TJP1: variants seen among roughly 807,000 people sequenced by gnomAD.
TJP1 encodes tight junction protein ZO-1.
A neutral mutation model predicts 194.2 loss-of-function variants in TJP1; 43 were observed. That is an observed-to-expected ratio of 0.22 (90% confidence interval 0.17 to 0.29). The LOEUF is 0.29. Ranked by LOEUF, TJP1 falls within the 10% of genes least tolerant of loss-of-function variation. The probability of loss-of-function intolerance (pLI) is 1.00; values close to 1 mark genes in which losing one functional copy is unlikely to be tolerated. For synonymous variants in TJP1, 801 were observed against 779.0 expected (o/e 1.03, Z -0.47); for missense variants, 1,971 against 2,185.7 (o/e 0.90, Z 1.96).
intron 2 of TJP1, among the ~76,000 whole-genome samples, chr15:29,836,580 A>C (rs958413584): frequency 3.3e-5 from 5 of 152,156 alleles, no homozygotes; most frequent in Admixed American, 6.5e-5. Context: ...GGGATGATCA[A>C]CTTTTAAAGA....
intron 2 of TJP1, among the ~76,000 whole-genome samples, chr15:29,951,964 T>C (rs1307063543): frequency 6.6e-6 from 1 of 152,218 alleles, no homozygotes; most frequent in African/African-American, 2.4e-5. Context: ...TAAAAGAAGC[T>C]GCAAAATTTC....
intron 8 of TJP1, among the ~76,000 whole-genome samples, chr15:29,749,036 C>T (rs1007488545): frequency 3.9e-5 from 6 of 151,956 alleles, no homozygotes; most frequent in African/African-American, 9.7e-5. Context: ...TTCATGTTTA[C>T]GTATTCCAGC....
At chr15:29,762,464 T>C (rs1256338136) in intron 5 of TJP1, 26 bp from the exon 6 acceptor site, 6 of 1,561,900 alleles carry the variant, frequency 3.8e-6, no homozygotes, top group African/African-American at 1.4e-5. Flanking sequence ...TAAGTGTTTT[T>C]AGTATAACAT....
intron 2 of TJP1, among the ~76,000 whole-genome samples, chr15:29,911,763 G>A (rs16954806): frequency 0.062 from 9,430 of 152,178 alleles, 327 homozygotes; most frequent in South Asian, 0.11. Flanking sequence ...ACCATATCAC[G>A]GAAGTTCAGT....
chr15:29,742,234 G>C (rs1322583468), intron 9 of TJP1, among the ~76,000 whole-genome samples: 2 of 151,514 alleles, frequency 1.3e-5, no homozygotes, highest in African/African-American at 4.9e-5. Flanking sequence ...CTGGGTGACA[G>C]AGTGAGACTC....
At chr15:29,931,090 T>C (rs776446946) in intron 2 of TJP1, among the ~76,000 whole-genome samples, 61 of 152,166 alleles carry the variant, frequency 4.0e-4, no homozygotes, top group Non-Finnish European at 7.8e-4. Flanking sequence ...AACACATATT[T>C]TGTATGTTAT....
chr15:29,722,034 TG>T (rs1464554109), intron 18 of TJP1, among the ~76,000 whole-genome samples: 13 of 152,222 alleles, frequency 8.5e-5, no homozygotes, highest in African/African-American at 3.1e-4. Flanking sequence ...TATCTGAAAC[TG>T]GAACTTATAT....
chr15:29,967,306 G>C (rs2056367446), intron 1 of TJP1, among the ~76,000 whole-genome samples: 1 of 151,796 alleles, frequency 6.6e-6, no homozygotes, highest in South Asian at 2.1e-4. Context: ...ATAGTGCTGG[G>C]ATTACAGGTG....
In TJP1 at chr15:29,925,175, C is replaced by T. The variant is rs191470943; in HGVS notation, c.306+31057G>A. On this transcript the variant is annotated intron_variant, in intron 2 of 28. Transcript: ENST00000356107. ...AAAGCGTGATTCAGAGGGGCAGCAA[C>T]CAGTCCTGGTCACCACAAGCTGTTA... 5.6e-3 allele frequency among the ~76,000 whole-genome samples: 851 copies of T among 152,334 alleles called. 4 individuals carry two copies. Among genetic ancestry groups the T allele is most frequent in the Admixed American group, 0.01 (160 of 15,306 alleles).
At chr15:29,737,123 T>G in intron 11 of TJP1, 141 bp downstream of exon 11, 1 of 1,006,752 alleles carries the variant, frequency 9.9e-7, no homozygotes, top group Non-Finnish European at 1.4e-6. Flanking sequence ...ACCTGATGGA[T>G]TTTGACTTTC....
chr15:29,806,972 A>T (rs2041321479), intron 1 of TJP1, among the ~76,000 whole-genome samples: 1 of 152,246 alleles, frequency 6.6e-6, no homozygotes, highest in Non-Finnish European at 1.5e-5. Context: ...AATAGAAGAT[A>T]AAAATTCAGG....
At chr15:29,964,036 A>G (rs899953594) in intron 1 of TJP1, among the ~76,000 whole-genome samples, 3 of 152,254 alleles carry the variant, frequency 2.0e-5, no homozygotes, top group African/African-American at 7.2e-5. Context: ...CACATTTTAC[A>G]TTAAAAAGGA....
At chr15:29,809,109 C>T (rs944938453) in intron 1 of TJP1, among the ~76,000 whole-genome samples, 2 of 152,026 alleles carry the variant, frequency 1.3e-5, no homozygotes, top group African/African-American at 4.8e-5. Context: ...GCAAAATATA[C>T]ATGATATGTA....
intron 2 of TJP1, among the ~76,000 whole-genome samples, chr15:29,828,239 T>C (rs1315105368): frequency 6.6e-6 from 1 of 152,200 alleles, no homozygotes; most frequent in Non-Finnish European, 1.5e-5. Context: ...ATAATATTTA[T>C]ATTCCATAAC....
intron 2 of TJP1, among the ~76,000 whole-genome samples, chr15:29,864,160 G>A (rs1041680542): frequency 4.6e-5 from 7 of 150,578 alleles, no homozygotes; most frequent in Admixed American, 3.3e-4. Context: ...TCGGGAGGCC[G>A]AGGCGGGTGG....
At chr15:29,704,327 G>T in intron 26 of TJP1, 22 bp from the exon 27 acceptor site, 2 of 1,571,382 alleles carry the variant, frequency 1.3e-6, no homozygotes, top group Non-Finnish European at 1.7e-6. Context: ...AAAGGGGATA[G>T]GCAGAGAGGA....
rs2046800262 is a variant in TJP1, at chr15:29,773,167, T to C, written c.209+66A>G. The stretch of plus-strand genomic sequence containing the variant: ...AAATCACTAAGACAGTGTAAGACAG[T>C]ACGCCAGTGCCTGAGGAGAGGAACA... On this transcript the variant is annotated intron_variant, in intron 3 of 27. Coordinates refer to ENST00000614355, the MANE Select transcript of TJP1 (RefSeq NM_001330239.4). 4.4e-6 allele frequency: 7 copies of C among 1,588,426 alleles called. No homozygotes were observed. The South Asian group carries it at 7.9e-5, about 18-fold the overall frequency.
At chr15:29,762,533 G>T in intron 5 of TJP1, 95 bp from the exon 6 acceptor site, 1 of 778,296 alleles carries the variant, frequency 1.3e-6, no homozygotes, top group Non-Finnish European at 2.0e-6. Context: ...CTACTGCATA[G>T]AGTTTTCAAG....
Position 29,718,598 on chromosome 15 carries a change from C to T in TJP1, c.3544G>A (p.Gly1182Arg). 1.2e-6 allele frequency: 2 copies of T among 1,614,174 alleles called. No homozygotes were observed. Among genetic ancestry groups the T allele is most frequent in the South Asian group, 1.1e-5 (1 of 91,084 alleles). The change falls in exon 21 of 28, where the codon GGG (glycine) becomes AGG (arginine). Residue 1182 changes from glycine (G) to arginine (R), a missense_variant. Gly to Arg is a moderately radical substitution (Grantham distance 125). Transcript: ENST00000614355. ...RPEAQPHPSA[G>R]PKPAESKQYF... ...TGCTTGGACTCTGCAGGCTTGGGCCCTGCTGAAGGGTGGGGCTGGGCTTCC... is the reference window on the plus strand; with the variant it reads ...TGCTTGGACTCTGCAGGCTTGGGCCTTGCTGAAGGGTGGGGCTGGGCTTCC...
Sources: gnomAD v4.1 joint callset for allele counts (sites outside exome capture counted in the v4.1 genomes callset) on GRCh38, gnomAD v4.1.1 for gene constraint, MANE v1.5 for transcripts, NCBI Gene and HGNC (gene_info 2026-07-23, HGNC 2026-07-21) for gene names.